The following CR1 variants were observed in gnomAD, a reference collection of about 807,000 sequenced individuals.
CR1 encodes complement C3b/C4b receptor 1 (Knops blood group).
CR1 carries 116 observed loss-of-function variants against 187.3 expected under a neutral mutation model. That is an observed-to-expected ratio of 0.62 (90% confidence interval 0.53 to 0.72). The LOEUF (loss-of-function observed/expected upper bound fraction) is 0.72. CR1 is among the 30% of genes least tolerant of loss of function. The probability of loss-of-function intolerance (pLI) is 0.00; values close to 1 mark genes in which losing one functional copy is unlikely to be tolerated. For synonymous variants in CR1, 576 were observed against 747.1 expected, an observed-to-expected ratio of 0.77 and a Z score of 3.73; for missense variants, 1,731 against 2,110.7, an observed-to-expected ratio of 0.82 and a Z score of 3.52.
chr1:207,610,168 C>T (rs531563034), intron 37 of CR1, among the ~76,000 whole-genome samples: 1 of 152,234 alleles, frequency 6.6e-6, no homozygotes, highest in Admixed American at 6.5e-5. Context: ...TCAACTTTTT[C>T]TCATTATAAT....
intron 46 of CR1, among the ~76,000 whole-genome samples, chr1:207,632,797 CAAAAAAAAAAA>C (rs55649027): frequency 0.036 from 3,832 of 107,748 alleles, 84 homozygotes; most frequent in South Asian, 0.076. Flanking sequence ...GACTCCGTCT[CAAAAAAAAAAA>C]AAAAAAAAAA....
In CR1 at chr1:207,575,533, C is replaced by T. The variant is rs1265403629; in HGVS notation, c.4452-62C>T. 3.1e-6 allele frequency: 5 copies of T among 1,606,272 alleles called. No homozygotes were observed. In the African/African-American group the frequency reaches 4.0e-5, roughly 13 times the overall value. ...TAATCCTTCTGGTTTGCCACATATG[C>T]ATGCTGTCAGGAAGTTGATGAGGTA... is the stretch of plus-strand genomic sequence containing the variant. On this transcript the variant is annotated intron_variant, in intron 27 of 46. Transcript: ENST00000367049.
Position 207,619,920 on chromosome 1 carries a change from GA to G in CR1, c.7109del (p.Lys2370ArgfsTer3), listed in dbSNP as rs1301000357. On this transcript the variant is annotated frameshift_variant, in exon 43 of 47. Coordinates refer to ENST00000367049, the MANE Select transcript of CR1 (RefSeq NM_000651.6). LOFTEE classifies it high-confidence loss of function. ...TCCCACTGTTTATGAATGGAATCTC[GA>G]AGGAGTTAGAAATGAAAAAAGTATA... ...SFPLFMNGIS[K>X]ELEMKKVYHY... 1 of 1,601,550 alleles carries G rather than the reference GA, an allele frequency of 6.2e-7. No individual in the cohort carries two copies. Among genetic ancestry groups the G allele is most frequent in the Non-Finnish European group, 8.5e-7 (1 of 1,173,776 alleles).
chr1:207,573,654 C>A (rs1473409495), intron 27 of CR1, among the ~76,000 whole-genome samples: 4 of 151,986 alleles, frequency 2.6e-5, no homozygotes, highest in Non-Finnish European at 5.9e-5. Context: ...TGTACAAATA[C>A]TTCTGTGAAA....
intron 24 of CR1, among the ~76,000 whole-genome samples, chr1:207,566,698 T>C (rs1336011429): frequency 6.7e-6 from 1 of 150,026 alleles, no homozygotes; most frequent in Non-Finnish European, 1.5e-5. Flanking sequence ...AATAAGTCAT[T>C]TTTTTAAAAT....
intron 40 of CR1, among the ~76,000 whole-genome samples, chr1:207,615,799 T>C (rs552780017): frequency 9.9e-5 from 15 of 152,230 alleles, no homozygotes; most frequent in East Asian, 9.6e-4. Flanking sequence ...AATAAATATA[T>C]AAATAAACTT....
intron 33 of CR1, among the ~76,000 whole-genome samples, chr1:207,586,722 A>C (rs1174274500): frequency 6.6e-6 from 1 of 152,060 alleles, no homozygotes. Flanking sequence ...CCCTGCCTCC[A>C]TCATAGCCTT....
At chr1:207,587,797 C>G (rs1302801001) in intron 34 of CR1, among the ~76,000 whole-genome samples, 2 of 152,208 alleles carry the variant, frequency 1.3e-5, no homozygotes, top group African/African-American at 4.8e-5. Flanking sequence ...ATTTTGGAAG[C>G]AAGATGTCTA....
intron 4 of CR1, among the ~76,000 whole-genome samples, chr1:207,516,675 A>T (rs1659818094): frequency 6.6e-6 from 1 of 152,230 alleles, no homozygotes; most frequent in Non-Finnish European, 1.5e-5. Flanking sequence ...TCTTTTAATA[A>T]TATTTGTTAA....
chr1:207,593,637 C>A (rs1453183658), intron 35 of CR1, among the ~76,000 whole-genome samples: 1 of 152,178 alleles, frequency 6.6e-6, no homozygotes, highest in Non-Finnish European at 1.5e-5. Context: ...AGAGCTTCTG[C>A]ACAGCAAGAG....
At position 207,617,537 on chromosome 1, in the gene CR1, GTAT is replaced by G. The variant is rs1195213600; in HGVS notation, c.6890-533_6890-531del. ...TGTGTGTGTGTGTGTGTGTGTGTGT[GTAT>G]GTGTGTATATATATATGTGTATATA... On this transcript the variant is annotated intron_variant, in intron 41 of 46. Transcript: ENST00000367049. 5.4e-3 allele frequency among the ~76,000 whole-genome samples: 525 copies of G among 97,558 alleles called. 24 individuals carry two copies. The highest frequency in any genetic ancestry group is 0.021 in the African/African-American group (498 of 23,918). The allele number at this position is 97,558 out of a possible 152,430, so 64.0% of individuals were successfully genotyped here. A position where few individuals can be genotyped will look rare whatever the true frequency, so the allele number is the denominator to read the frequency against.
chr1:207,498,014 T>C (rs1659144664), intron 1 of CR1, among the ~76,000 whole-genome samples: 1 of 152,164 alleles, frequency 6.6e-6, no homozygotes, highest in Admixed American at 6.6e-5. Context: ...GAAATCTACT[T>C]ATTAGGAAGC....
intron 39 of CR1, 99 bp downstream of exon 39, chr1:207,612,140 G>C: frequency 8.2e-7 from 1 of 1,221,664 alleles, no homozygotes; most frequent in South Asian, 1.3e-5. Context: ...TAGTAGATAA[G>C]AAGTACCCAG....
rs115513476 is a variant in CR1 at position 207,620,340 on chromosome 1, C to G, written c.7252+275C>G. Reference sequence around the variant, plus strand: ...TAATGATTTATTTACAGCCTACGAGCCTTACAAGAAATGTTTTCAGCATGA... The same window carrying G: ...TAATGATTTATTTACAGCCTACGAGGCTTACAAGAAATGTTTTCAGCATGA... On this transcript the variant is annotated intron_variant, in intron 43 of 46. Transcript: ENST00000367049. 5.2e-3 allele frequency among the ~76,000 whole-genome samples: 788 copies of G among 152,272 alleles called. 6 individuals carry two copies. Among genetic ancestry groups the G allele is most frequent in the African/African-American group, 0.018 (728 of 41,554 alleles).
rs1661842562 is a variant in CR1 at position 207,609,347 on chromosome 1, G to A, written c.5954G>A (p.Arg1985Lys). 2 of 1,613,930 alleles carry A rather than the reference G, an allele frequency of 1.2e-6. No individual in the cohort carries two copies. The highest frequency in any genetic ancestry group is 3.3e-4 in the Middle Eastern group (2 of 6,060). Reference sequence around the variant, plus strand: ...AATGGAGACTTCTACAGCAACAATAGAACATCTTTTCACAATGGAACGGTG... The same window carrying A: ...AATGGAGACTTCTACAGCAACAATAAAACATCTTTTCACAATGGAACGGTG... ...ISNGDFYSNNRTSFHNGTVVT... is the reference protein window; with the variant it reads ...ISNGDFYSNNKTSFHNGTVVT... Residue 1985 changes from arginine to lysine, a missense_variant, in exon 37 of 47, where the codon AGA becomes AAA. Around this residue, in one of 5 missense-constraint regions of CR1, gnomAD observed 1,312 missense variants for 1,379.6 expected, o/e 0.95. Transcript: ENST00000367049.
Position 207,596,753 on chromosome 1 carries a change from G to A in CR1, c.5810+7979G>A, listed in dbSNP as rs1397021286. ...GATAGGAAAAGGCTATTGCAAGTAC[G>A]GTACAAAGCACAGGGGGAAGGTTTC... On this transcript the variant is annotated intron_variant, in intron 35 of 46. Coordinates refer to ENST00000367049, the MANE Select transcript of CR1 (RefSeq NM_000651.6). Among the ~76,000 whole-genome samples the A allele has an allele frequency of 4.1e-5, 6 of 147,984 alleles. No homozygotes were observed. The East Asian group carries it at 5.8e-4, about 14-fold the overall frequency.
At chr1:207,638,348 G>A (rs1279631722) in intron 46 of CR1, among the ~76,000 whole-genome samples, 2 of 152,184 alleles carry the variant, frequency 1.3e-5, no homozygotes, top group African/African-American at 2.4e-5. Flanking sequence ...GTACTGTCTC[G>A]ATTATCTGGC....
At chr1:207,597,266 T>G (rs376611427) in intron 35 of CR1, among the ~76,000 whole-genome samples, 1 of 152,080 alleles carries the variant, frequency 6.6e-6, no homozygotes, top group Admixed American at 6.6e-5. Flanking sequence ...TCAGTTATAA[T>G]AGTAAATGTG....
In CR1 at chr1:207,511,570, T is replaced by C. The variant is rs571542796; in HGVS notation, c.403T>C (p.Tyr135His). 1.2e-6 allele frequency: 2 copies of C among 1,613,028 alleles called. No homozygotes were observed. Among genetic ancestry groups the C allele is most frequent in the East Asian group, 4.5e-5 (2 of 44,838 alleles). The change falls in exon 4 of 47, where the codon TAC (tyrosine) becomes CAC (histidine). Residue 135 changes from tyrosine to histidine, a missense_variant and splice_region_variant. Physicochemically the swap from Tyr to His is moderately conservative, Grantham distance 83. Around this residue, in one of 5 missense-constraint regions of CR1, gnomAD observed 237 missense variants for 240.4 expected, o/e 0.99. Transcript: ENST00000367049. ...SQIKYSCTKG[Y>H]RLIGSSSATC... ...ACATTCCTTATTTTTTGCCTCTAGA[T>C]ACCGACTCATTGGTTCCTCGTCTGC...
Sources: gnomAD v4.1 joint callset for allele counts (sites outside exome capture counted in the v4.1 genomes callset) on GRCh38, gnomAD v4.1.1 for gene constraint, gnomAD v4.1.1 regional missense constraint, MANE v1.5 for transcripts, NCBI Gene and HGNC (gene_info 2026-07-23, HGNC 2026-07-21) for gene names.